RGS7: variants seen among roughly 807,000 people sequenced by gnomAD.
RGS7 encodes the protein regulator of G protein signaling 7.
RGS7 carries 27 observed loss-of-function variants against 81.1 expected under a neutral mutation model. The observed-to-expected ratio is 0.33, with a 90% CI of 0.25 to 0.46. The LOEUF (loss-of-function observed/expected upper bound fraction) is 0.46, where lower values mean the gene tolerates loss of function less well. Ranked by LOEUF, RGS7 falls within the 20% of genes least tolerant of loss-of-function variation. RGS7 has a pLI of 1.00. For missense variants in RGS7, 396 were observed against 607.4 expected, an observed-to-expected ratio of 0.65 and a Z score of 3.66; for synonymous variants, 208 against 207.7, an observed-to-expected ratio of 1.00 and a Z score of -0.01.
chr1:241,310,123 GACA>G (rs2080419485), intron 2 of RGS7, among the ~76,000 whole-genome samples: 1 of 152,160 alleles, frequency 6.6e-6, no homozygotes, highest in Non-Finnish European at 1.5e-5. Flanking sequence ...TGCCCAGGAA[GACA>G]ACATGTTTGC....
chr1:241,244,779 A>C (rs958333342), intron 2 of RGS7, among the ~76,000 whole-genome samples: 12 of 152,092 alleles, frequency 7.9e-5, no homozygotes, highest in African/African-American at 2.9e-4. Flanking sequence ...TGCAGCCATA[A>C]AAAATGATGA....
chr1:241,102,052 G>A (rs1248216210), intron 2 of RGS7, among the ~76,000 whole-genome samples: 1 of 152,032 alleles, frequency 6.6e-6, no homozygotes, highest in Non-Finnish European at 1.5e-5. Context: ...TTCCACAAGA[G>A]AAAAAAATTT....
intron 6 of RGS7, among the ~76,000 whole-genome samples, chr1:240,909,917 C>T (rs913806570): frequency 1.3e-5 from 2 of 152,134 alleles, no homozygotes; most frequent in African/African-American, 4.8e-5. Context: ...AAATTAAACA[C>T]CGAGCCACCT....
At chr1:241,218,770 G>A (rs947083730) in intron 2 of RGS7, among the ~76,000 whole-genome samples, 2 of 151,992 alleles carry the variant, frequency 1.3e-5, no homozygotes, top group Non-Finnish European at 1.5e-5. Context: ...TCAGTCTCCC[G>A]AGTAGCTGGG....
chr1:241,137,766 A>G (rs780245773), intron 2 of RGS7, among the ~76,000 whole-genome samples: 19 of 152,248 alleles, frequency 1.2e-4, no homozygotes, highest in Non-Finnish European at 2.6e-4. Flanking sequence ...GGCAAATACT[A>G]CAAATCATAT....
intron 2 of RGS7, among the ~76,000 whole-genome samples, chr1:241,143,825 C>G (rs1231613803): frequency 6.6e-6 from 1 of 152,144 alleles, no homozygotes; most frequent in African/African-American, 2.4e-5. Context: ...TTGATTAGAT[C>G]ATGAGGGCAA....
At chr1:241,231,915 A>G (rs1047977848) in intron 2 of RGS7, among the ~76,000 whole-genome samples, 1 of 152,192 alleles carries the variant, frequency 6.6e-6, no homozygotes, top group Non-Finnish European at 1.5e-5. Context: ...AAGATCAGAA[A>G]AATTTTCTAC....
chr1:241,341,228 G>C (rs1344629336), intron 2 of RGS7, among the ~76,000 whole-genome samples: 1 of 152,150 alleles, frequency 6.6e-6, no homozygotes, highest in East Asian at 1.9e-4. Context: ...TCCCATGGAG[G>C]CTCAGAGAGA....
At chr1:241,325,569 C>T (rs914304767) in intron 2 of RGS7, among the ~76,000 whole-genome samples, 4 of 152,220 alleles carry the variant, frequency 2.6e-5, no homozygotes, top group African/African-American at 7.2e-5. Flanking sequence ...TAAATCTCTA[C>T]TGACTTTCAC....
chr1:240,778,824 G>A (rs1683438465), intron 18 of RGS7, among the ~76,000 whole-genome samples: 3 of 152,174 alleles, frequency 2.0e-5, no homozygotes, highest in South Asian at 4.1e-4. Flanking sequence ...AAGCCACTGC[G>A]CCCGGCTGAT....
intron 6 of RGS7, among the ~76,000 whole-genome samples, chr1:240,884,105 G>A (rs1362783887): frequency 1.1e-4 from 13 of 121,292 alleles, no homozygotes; most frequent in African/African-American, 2.9e-4. Flanking sequence ...AAAAAAAAAA[G>A]GCCCCAAGAG....
intron 4 of RGS7, among the ~76,000 whole-genome samples, chr1:240,954,549 C>T (rs1296064028): frequency 2.2e-5 from 1 of 45,454 alleles, no homozygotes; most frequent in Admixed American, 3.8e-4. Flanking sequence ...AAAACTTATC[C>T]ATGTAAAAGA....
intron 6 of RGS7, among the ~76,000 whole-genome samples, chr1:240,880,261 T>C: frequency 1.3e-5 from 2 of 152,352 alleles, no homozygotes; most frequent in Middle Eastern, 3.4e-3. Context: ...AGGTTGATCT[T>C]GAAGTCCCGG....
chr1:241,351,879 G>C (rs1431156690), intron 2 of RGS7, among the ~76,000 whole-genome samples: 2 of 152,162 alleles, frequency 1.3e-5, no homozygotes, highest in African/African-American at 4.8e-5. Flanking sequence ...AATGATAGCT[G>C]CAATAATATC....
At chr1:240,968,727 A>G (rs1325045396) in intron 4 of RGS7, among the ~76,000 whole-genome samples, 2 of 152,192 alleles carry the variant, frequency 1.3e-5, no homozygotes, top group African/African-American at 4.8e-5. Flanking sequence ...GAGACAAATG[A>G]CAATGAAGAG....
chr1:240,885,800 C>T (rs1475471802), intron 6 of RGS7, among the ~76,000 whole-genome samples: 4 of 152,016 alleles, frequency 2.6e-5, no homozygotes, highest in Non-Finnish European at 5.9e-5. Context: ...GTATTGGGTA[C>T]CAGGCTTAAT....
chr1:241,238,007 C>A (rs1000916708), intron 2 of RGS7, among the ~76,000 whole-genome samples: 5 of 152,200 alleles, frequency 3.3e-5, no homozygotes, highest in African/African-American at 1.2e-4. Flanking sequence ...GTCGCTGGGA[C>A]TAAGCCCTGA....
At chr1:240,835,743 AT>A (rs1694626464) in intron 9 of RGS7, among the ~76,000 whole-genome samples, 1 of 152,208 alleles carries the variant, frequency 6.6e-6, no homozygotes, top group African/African-American at 2.4e-5. Context: ...ATGGAATATT[AT>A]TCAGCATTAA....
At chr1:240,897,848 C>G (rs111604524) in intron 6 of RGS7, among the ~76,000 whole-genome samples, 22,642 of 152,002 alleles carry the variant, frequency 0.15, 1,776 homozygotes, top group Middle Eastern at 0.18. Flanking sequence ...AATAGTTTCA[C>G]AAGGAATGGT....
Sources: gnomAD v4.1 joint callset for allele counts (sites outside exome capture counted in the v4.1 genomes callset) on GRCh38, gnomAD v4.1.1 for gene constraint, MANE v1.5 for transcripts, NCBI Gene and HGNC (gene_info 2026-07-23, HGNC 2026-07-21) for gene names.